The following MAD1L1 variants were observed in gnomAD, a reference collection of about 807,000 sequenced individuals.
The protein encoded by MAD1L1 is mitotic spindle assembly checkpoint protein MAD1.
In MAD1L1, 95 loss-of-function variants were observed where a neutral mutation model predicts 96.9. The observed-to-expected ratio is 0.98, with a 90% confidence interval of 0.83 to 1.16. MAD1L1 has a LOEUF of 1.16. Among genes scored for constraint, MAD1L1 ranks in the 50% most tolerant of loss-of-function variants. MAD1L1 has a pLI of 0.00. For missense variants in MAD1L1, 1,007 were observed against 954.4 expected, an observed-to-expected ratio of 1.06 and a Z score of -0.73; for synonymous variants, 473 against 396.6, an observed-to-expected ratio of 1.19 and a Z score of -2.29.
At chr7:2,210,797 G>A (rs1792899084) in intron 10 of MAD1L1, among the ~76,000 whole-genome samples, 1 of 152,248 alleles carries the variant, frequency 6.6e-6, no homozygotes, top group Non-Finnish European at 1.5e-5. Flanking sequence ...AGGAGACTAG[G>A]GGTCGACCCC....
intron 11 of MAD1L1, among the ~76,000 whole-genome samples, chr7:2,082,849 C>T (rs1460198372): frequency 6.6e-6 from 1 of 152,242 alleles, no homozygotes. Context: ...ACTCCAGCTG[C>T]TTCAGCGCTA....
intron 5 of MAD1L1, among the ~76,000 whole-genome samples, chr7:2,220,035 C>G (rs1160852469): frequency 6.6e-6 from 1 of 152,208 alleles, no homozygotes; most frequent in Non-Finnish European, 1.5e-5. Flanking sequence ...TTCGGTCTTC[C>G]CTCCAACCGT....
intron 11 of MAD1L1, among the ~76,000 whole-genome samples, chr7:2,127,744 G>A (rs1788301151): frequency 6.6e-6 from 1 of 152,146 alleles, no homozygotes; most frequent in Admixed American, 6.5e-5. Flanking sequence ...AAAGACCCCT[G>A]CACTCCGGGA....
intron 15 of MAD1L1, 74 bp downstream of exon 15, chr7:1,980,379 A>G (rs1780840744): frequency 1.5e-6 from 2 of 1,315,762 alleles, no homozygotes; most frequent in Middle Eastern, 2.1e-4. Context: ...CCCCCGCAGG[A>G]CACACCTGGG....
intron 14 of MAD1L1, among the ~76,000 whole-genome samples, chr7:2,000,271 G>A (rs1036526138): frequency 6.6e-6 from 1 of 151,844 alleles, no homozygotes. Context: ...CTCGGACCAC[G>A]CCTCCGCACG....
At chr7:1,975,899 G>C (rs915637126) in intron 15 of MAD1L1, among the ~76,000 whole-genome samples, 1 of 152,176 alleles carries the variant, frequency 6.6e-6, no homozygotes, top group Non-Finnish European at 1.5e-5. Flanking sequence ...GCAAGCCTCT[G>C]GAATTAGCAA....
In MAD1L1 at chr7:2,145,497, T is replaced by TCACA. The variant is rs1789251360; in HGVS notation, c.1073+3654_1073+3655insTGTG. 2.0e-5 allele frequency among the ~76,000 whole-genome samples: 3 copies of TCACA among 152,368 alleles called. No individual in the cohort carries two copies. The South Asian group carries it at 6.2e-4, about 32-fold the overall frequency. On this transcript the variant is annotated intron_variant, in intron 11 of 18. Transcript: ENST00000265854. ...TCCAGCTCACAGCAGCGTTTGGAAC[T>TCACA]GTGCTTCACCAGTAAAAGGGGTCAA...
chr7:1,921,760 G>A (rs750919610), intron 17 of MAD1L1, among the ~76,000 whole-genome samples: 7 of 152,104 alleles, frequency 4.6e-5, no homozygotes, highest in Non-Finnish European at 8.8e-5. Context: ...TAAAGATGAA[G>A]GTATAAATCT....
At chr7:2,093,108 G>A (rs1445897504) in intron 11 of MAD1L1, among the ~76,000 whole-genome samples, 1 of 151,816 alleles carries the variant, frequency 6.6e-6, no homozygotes, top group Non-Finnish European at 1.5e-5. Flanking sequence ...AGCTGGGGAT[G>A]GTGGCACAAA....
chr7:1,827,178 G>A (rs978623866), intron 18 of MAD1L1, among the ~76,000 whole-genome samples: 4 of 152,248 alleles, frequency 2.6e-5, no homozygotes, highest in African/African-American at 9.6e-5. Flanking sequence ...CCACAGGGAT[G>A]AGTTAGAGGA....
chr7:2,168,079 G>A (rs1334269751), intron 10 of MAD1L1, among the ~76,000 whole-genome samples: 1 of 152,186 alleles, frequency 6.6e-6, no homozygotes, highest in Non-Finnish European at 1.5e-5. Flanking sequence ...GAGGTCAGGA[G>A]TTCAAGAACA....
intron 11 of MAD1L1, among the ~76,000 whole-genome samples, chr7:2,090,262 G>A (rs1029735900): frequency 6.6e-6 from 1 of 152,228 alleles, no homozygotes; most frequent in African/African-American, 2.4e-5. Flanking sequence ...CCGGCGCTCG[G>A]GGAGGGGCCA....
At chr7:1,980,097 G>T (rs571569231) in intron 15 of MAD1L1, among the ~76,000 whole-genome samples, 6 of 152,330 alleles carry the variant, frequency 3.9e-5, no homozygotes, top group Admixed American at 1.3e-4. Flanking sequence ...CACAGAGAAG[G>T]TCACGGCCTG....
intron 3 of MAD1L1, among the ~76,000 whole-genome samples, chr7:2,227,996 C>A (rs961398403): frequency 6.6e-6 from 1 of 151,708 alleles, no homozygotes; most frequent in Non-Finnish European, 1.5e-5. Flanking sequence ...GTTCTCCAGG[C>A]CCTCCCTGCC....
intron 16 of MAD1L1, among the ~76,000 whole-genome samples, chr7:1,948,358 G>A (rs746533500): frequency 3.4e-5 from 5 of 145,408 alleles, no homozygotes; most frequent in South Asian, 2.2e-4. Flanking sequence ...TATAGCCTCC[G>A]CTCAGGGCCC....
At chr7:2,226,642 C>T (rs1471168099) in intron 3 of MAD1L1, among the ~76,000 whole-genome samples, 2 of 152,174 alleles carry the variant, frequency 1.3e-5, no homozygotes, top group African/African-American at 4.8e-5. Flanking sequence ...CAGCATCTCC[C>T]GGCACTTAAC....
chr7:1,849,088 G>A (rs1016349422), intron 18 of MAD1L1: 2 of 150,674 alleles, frequency 1.3e-5, no homozygotes, highest in African/African-American at 2.5e-5. Context: ...GCACATGCAC[G>A]GACACATGCA....
chr7:1,871,812 G>A (rs941147288), intron 18 of MAD1L1, among the ~76,000 whole-genome samples: 3 of 152,218 alleles, frequency 2.0e-5, no homozygotes, highest in Admixed American at 1.3e-4. Context: ...GGCGGTGCAG[G>A]CTTCCCCGGA....
At chr7:1,820,786 C>T (rs557377626) in intron 18 of MAD1L1, among the ~76,000 whole-genome samples, 1 of 151,550 alleles carries the variant, frequency 6.6e-6, no homozygotes, top group East Asian at 2.0e-4. Flanking sequence ...TGATAAACCC[C>T]TGGCAAAACT....
Sources: gnomAD v4.1 joint callset for allele counts (sites outside exome capture counted in the v4.1 genomes callset) on GRCh38, gnomAD v4.1.1 for gene constraint, MANE v1.5 for transcripts, NCBI Gene and HGNC (gene_info 2026-07-23, HGNC 2026-07-21) for gene names.